The following GRAMD1B variants were observed in gnomAD, a reference collection of about 807,000 sequenced individuals.
The protein encoded by GRAMD1B is protein Aster-B.
A neutral mutation model predicts 99.7 loss-of-function variants in GRAMD1B; 37 were observed. The ratio of observed to expected loss-of-function variants is 0.37; its 90% CI spans 0.29 to 0.49. GRAMD1B has a LOEUF of 0.49. GRAMD1B is among the 20% of genes least tolerant of loss of function. The pLI is 0.98. For synonymous variants in GRAMD1B, 427 were observed against 387.6 expected, an observed-to-expected ratio of 1.10 and a Z score of -1.19; for missense variants, 888 against 1,009.2, an observed-to-expected ratio of 0.88 and a Z score of 1.63.
At chr11:123,416,947 A>G (rs2136000512) in intron 1 of GRAMD1B, among the ~76,000 whole-genome samples, 1 of 152,342 alleles carries the variant, frequency 6.6e-6, no homozygotes, top group East Asian at 1.9e-4. Flanking sequence ...TGAACTTGCT[A>G]ATAAGTGGTG....
rs1172333294 is a variant in GRAMD1B at position 123,587,093 on chromosome 11, C to G, written c.684+2761C>G. Among the ~76,000 whole-genome samples the G allele has an allele frequency of 1.3e-5, 2 of 152,184 alleles. No individual in the cohort carries two copies. Among genetic ancestry groups the G allele is most frequent in the Non-Finnish European group, 2.9e-5 (2 of 68,028 alleles). On this transcript the variant is annotated intron_variant, in intron 4 of 19. Coordinates refer to ENST00000635736, the MANE Select transcript of GRAMD1B (RefSeq NM_001387025.1). This position sits in a 1 kb window ranked among gnomAD's most constrained non-coding sequence, Gnocchi z 4.2. ...AGCCCAGCCACCAACCAGTCCATGC[C>G]CCAGCCTCCCCTTCACCTGCTGCCT...
Position 123,623,340 on chromosome 11 carries a change from C to T in GRAMD1B, c.*745C>T, listed in dbSNP as rs1032271916. 1 of 152,262 alleles carries T rather than the reference C, an allele frequency of 6.6e-6. No individual in the cohort carries two copies. Among genetic ancestry groups the T allele is most frequent in the East Asian group, 1.9e-4 (1 of 5,200 alleles). 9.4% of individuals were successfully genotyped at this position (152,262 alleles called of 1,614,324 possible). A position where few individuals can be genotyped will look rare whatever the true frequency, so the allele number is the denominator to read the frequency against. ...CTTTCCCACCCGCTTTCTCTCTGGT[C>T]TTCTCCCAGGCTGGATCTGGGCGAA... On this transcript the variant is annotated 3_prime_UTR_variant, in exon 20 of 20. Coordinates refer to ENST00000635736, the MANE Select transcript of GRAMD1B (RefSeq NM_001387025.1).
intron 17 of GRAMD1B, among the ~76,000 whole-genome samples, chr11:123,616,096 G>A (rs969975824): frequency 1.3e-5 from 2 of 152,202 alleles, no homozygotes; most frequent in African/African-American, 4.8e-5. Context: ...GGCTGGGGCA[G>A]GCGGATCATG....
At chr11:123,544,537 C>T (rs1209038466) in intron 2 of GRAMD1B, among the ~76,000 whole-genome samples, 2 of 152,238 alleles carry the variant, frequency 1.3e-5, no homozygotes, top group Non-Finnish European at 2.9e-5. Context: ...GACCCCACCC[C>T]TCCTCCTGTA....
chr11:123,389,102 C>T (rs1328031017), intron 1 of GRAMD1B, among the ~76,000 whole-genome samples: 1 of 151,848 alleles, frequency 6.6e-6, no homozygotes, highest in African/African-American at 2.4e-5. Flanking sequence ...AAAAAAATCC[C>T]GACCGGGCAC....
intron 3 of GRAMD1B, among the ~76,000 whole-genome samples, chr11:123,583,383 T>A: frequency 1.1e-5 from 1 of 94,648 alleles, no homozygotes; most frequent in African/African-American, 3.8e-5. Context: ...ACGTGTGTGG[T>A]GTGTATGTGT....
In GRAMD1B at chr11:123,430,746, A is replaced by G; in HGVS notation, c.-47A>G. On this transcript the variant is annotated 5_prime_UTR_variant, in exon 1 of 20. Coordinates refer to ENST00000635736, the MANE Select transcript of GRAMD1B (RefSeq NM_001387025.1). ...GAACAGCCAGAGGGAGACGCGAACC[A>G]GGCCGCTGGCGGAGGGCTCAGGGGG... 1.6e-6 allele frequency: 1 copy of G among 615,038 alleles called. No individual in the cohort carries two copies. Among genetic ancestry groups the G allele is most frequent in the Non-Finnish European group, 2.9e-6 (1 of 346,926 alleles). The allele number at this position is 615,038 out of a possible 1,614,324, so 38.1% of individuals were successfully genotyped here.
chr11:123,410,094 G>A (rs1947988718), intron 1 of GRAMD1B, among the ~76,000 whole-genome samples: 1 of 152,142 alleles, frequency 6.6e-6, no homozygotes, highest in Admixed American at 6.5e-5. Flanking sequence ...AGGGAGGCCT[G>A]CAGGCGGCTG....
chr11:123,380,560 C>T (rs567843751), intron 1 of GRAMD1B, among the ~76,000 whole-genome samples: 5 of 152,304 alleles, frequency 3.3e-5, no homozygotes, highest in Admixed American at 6.5e-5. Flanking sequence ...GCTTGGGTTT[C>T]GAGGTGTTCA....
intron 3 of GRAMD1B, among the ~76,000 whole-genome samples, chr11:123,582,744 C>T (rs894476733): frequency 4.6e-5 from 7 of 151,946 alleles, no homozygotes; most frequent in African/African-American, 1.7e-4. Flanking sequence ...GGCCACTGGT[C>T]ATCACCGCGG....
rs554684318 is a variant in GRAMD1B, at chr11:123,608,746, T to G, written c.1601T>G (p.Leu534Arg). ...FNFSVDKLYD[L>R]LFTNSPFQRD... ...TTCAGCGTGGACAAGCTCTATGACC[T>G]CCTCTTCACCAACTCGCCCTTCCAG... Residue 534 changes from leucine to arginine, a missense_variant, in exon 12 of 20, where the codon CTC becomes CGC. By Grantham distance (102) the Leu-to-Arg change is moderately radical (BLOSUM62 -2). Coordinates refer to ENST00000635736, the MANE Select transcript of GRAMD1B (RefSeq NM_001387025.1). 2 of 1,553,242 alleles carry G rather than the reference T, an allele frequency of 1.3e-6. No individual in the cohort carries two copies. The highest frequency in any genetic ancestry group is 3.9e-5 in the Admixed American group (2 of 51,094).
rs569651745 is a variant in GRAMD1B at position 123,516,059 on chromosome 11, G to A, written c.452+35166G>A. 4.6e-5 allele frequency among the ~76,000 whole-genome samples: 7 copies of A among 152,266 alleles called. No homozygotes were observed. The East Asian group carries it at 1.2e-3, about 25-fold the overall frequency. On this transcript the variant is annotated intron_variant, in intron 2 of 19. Transcript: ENST00000635736. ...GCCAAGATTACAGGTGTGAGCCCCC[G>A]CACCCAGCCAACATATTTAACCTTT... is the stretch of plus-strand genomic sequence containing the variant.
At position 123,610,367 on chromosome 11, in the gene GRAMD1B, C is replaced by A; in HGVS notation, c.1919+29C>A. ...TGGTGTGTGGAAGTCCCAGTGCGGTCAGACGGGGGTCCTTACCTTAGAGAA... is the reference window on the plus strand; with the variant it reads ...TGGTGTGTGGAAGTCCCAGTGCGGTAAGACGGGGGTCCTTACCTTAGAGAA... On this transcript the variant is annotated intron_variant, in intron 14 of 19. Transcript: ENST00000635736. The surrounding 1 kb of genome is among the most constrained non-coding windows in gnomAD (Gnocchi z 4.1). 1 of 1,610,874 alleles carries A rather than the reference C, an allele frequency of 6.2e-7. No homozygotes were observed. Among genetic ancestry groups the A allele is most frequent in the South Asian group, 1.1e-5 (1 of 90,994 alleles).
intron 1 of GRAMD1B, among the ~76,000 whole-genome samples, chr11:123,379,560 C>T (rs1313257035): frequency 1.3e-5 from 2 of 152,178 alleles, no homozygotes; most frequent in Admixed American, 6.5e-5. Context: ...GTTAATATCA[C>T]ATTTTATTTA....
At chr11:123,457,762 G>C (rs1463807473) in intron 1 of GRAMD1B, among the ~76,000 whole-genome samples, 1 of 152,116 alleles carries the variant, frequency 6.6e-6, no homozygotes, top group Non-Finnish European at 1.5e-5. Context: ...TATCGCCTGG[G>C]CTGGAGTGCG....
chr11:123,583,346 CGTGTGCAT>C (rs1312104583), intron 3 of GRAMD1B, among the ~76,000 whole-genome samples: 1 of 129,036 alleles, frequency 7.7e-6, no homozygotes, highest in Admixed American at 7.7e-5. Flanking sequence ...GTGGTGTGCA[CGTGTGCAT>C]GTGTGTATGT....
chr11:123,466,294 GAAA>G (rs1950653437), intron 1 of GRAMD1B, among the ~76,000 whole-genome samples: 1 of 134,294 alleles, frequency 7.4e-6, no homozygotes, highest in African/African-American at 2.8e-5. Flanking sequence ...GGAAGGAAAA[GAAA>G]GAAAGAGAGA....
chr11:123,481,471 A>AACG (rs1403689415), intron 2 of GRAMD1B, among the ~76,000 whole-genome samples: 6 of 152,002 alleles, frequency 3.9e-5, no homozygotes, highest in Non-Finnish European at 5.9e-5. Flanking sequence ...CAACAACAAC[A>AACG]ACAACAAACT....
chr11:123,584,699 T>C (rs879626115), intron 4 of GRAMD1B, among the ~76,000 whole-genome samples: 14 of 152,212 alleles, frequency 9.2e-5, no homozygotes, highest in African/African-American at 3.1e-4. Context: ...TTTTCTTCCC[T>C]TAACATTTTG....
Sources: allele counts gnomAD v4.1 joint callset (sites outside exome capture counted in the v4.1 genomes callset), GRCh38; gene constraint gnomAD v4.1.1; non-coding constraint Gnocchi (gnomAD v3.1); transcripts MANE v1.5; gene names NCBI Gene and HGNC (gene_info 2026-07-23, HGNC 2026-07-21).